XYLT1: variants seen among roughly 807,000 people sequenced by gnomAD.
XYLT1 encodes beta-D-xylosyltransferase 1.
XYLT1 carries 36 observed loss-of-function variants against 91.3 expected under a neutral mutation model. That is an observed-to-expected ratio of 0.39 (90% confidence interval 0.30 to 0.52). XYLT1 has a LOEUF of 0.52. Among genes scored for constraint, XYLT1 ranks in the 20% least tolerant of loss-of-function variants. XYLT1 has a pLI of 0.68. For missense variants in XYLT1, 1,242 were observed against 1,284.5 expected, an observed-to-expected ratio of 0.97 and a Z score of 0.51; for synonymous variants, 588 against 532.0, an observed-to-expected ratio of 1.11 and a Z score of -1.45.
intron 1 of XYLT1, among the ~76,000 whole-genome samples, chr16:17,461,934 T>C (rs2044277103): frequency 6.6e-6 from 1 of 152,172 alleles, no homozygotes. Flanking sequence ...AATAAAAGCA[T>C]GTCTTTTTAG....
In XYLT1 at chr16:17,336,004, A is replaced by C. The variant is rs138761237; in HGVS notation, c.402+22008T>G. On this transcript the variant is annotated intron_variant, in intron 2 of 11. Coordinates refer to ENST00000261381, the MANE Select transcript of XYLT1 (RefSeq NM_022166.4). Reference sequence around the variant, plus strand: ...ATGTGACACTTTGGAAAAGGCTGCAACAGAGAAGTTGAGACCTACGCTTTG... The same window carrying C: ...ATGTGACACTTTGGAAAAGGCTGCACCAGAGAAGTTGAGACCTACGCTTTG... 7.9e-3 allele frequency among the ~76,000 whole-genome samples: 1,209 copies of C among 152,322 alleles called. 60 individuals are homozygous for C. The highest frequency in any genetic ancestry group is 0.07 in the Admixed American group (1,065 of 15,282).
intron 8 of XYLT1, among the ~76,000 whole-genome samples, chr16:17,137,139 C>A (rs116420571): frequency 6.6e-6 from 1 of 152,004 alleles, no homozygotes; most frequent in Non-Finnish European, 1.5e-5. Flanking sequence ...GGAATACGAA[C>A]GACAGAAAAC....
chr16:17,467,876 G>C (rs542987217), intron 1 of XYLT1, among the ~76,000 whole-genome samples: 1 of 151,592 alleles, frequency 6.6e-6, no homozygotes, highest in Non-Finnish European at 1.5e-5. Context: ...ACAGAGCACT[G>C]AGCTAAAGCA....
At chr16:17,131,081 G>C (rs1279129866) in intron 9 of XYLT1, among the ~76,000 whole-genome samples, 2 of 152,116 alleles carry the variant, frequency 1.3e-5, no homozygotes, top group Admixed American at 1.3e-4. Context: ...GGCCTGGTCC[G>C]CCTGGATCAA....
chr16:17,120,578 A>G (rs1371358003), intron 10 of XYLT1, among the ~76,000 whole-genome samples: 1 of 151,860 alleles, frequency 6.6e-6, no homozygotes, highest in Admixed American at 6.6e-5. Flanking sequence ...CATCACCTCT[A>G]CTCATAAGTC....
At chr16:17,327,679 G>A (rs1054593700) in intron 2 of XYLT1, among the ~76,000 whole-genome samples, 3 of 145,522 alleles carry the variant, frequency 2.1e-5, no homozygotes, top group Non-Finnish European at 4.5e-5. Context: ...ACCACGCCTG[G>A]CCAACAACTG....
chr16:17,392,017 CA>C (rs1468909716), intron 1 of XYLT1, among the ~76,000 whole-genome samples: 7 of 152,184 alleles, frequency 4.6e-5, no homozygotes, highest in Non-Finnish European at 8.8e-5. Flanking sequence ...TACCCAGTCT[CA>C]ATGTCTTTAT....
At position 17,211,352 on chromosome 16, in the gene XYLT1, G is replaced by A. The variant is rs141892249; in HGVS notation, c.914-10698C>T. ...GACCCAAAGGTCCAGACAATGTTTT[G>A]ATCTTTCTGGATGAGGGCTCCCACT... On this transcript the variant is annotated intron_variant, in intron 3 of 11. Coordinates refer to ENST00000261381, the MANE Select transcript of XYLT1 (RefSeq NM_022166.4). Among the ~76,000 whole-genome samples the A allele has an allele frequency of 3.3e-5, 5 of 152,296 alleles. No individual in the cohort carries two copies. The East Asian group carries it at 9.7e-4, about 29-fold the overall frequency.
In XYLT1 at chr16:17,158,869, C is replaced by A; in HGVS notation, c.1330G>T (p.Asp444Tyr). The A allele has an allele frequency of 6.2e-7, 1 of 1,614,100 alleles. No individual in the cohort carries two copies. ...CCGTGTGACTTCAAGAAATTCATAT[C>A]TCGGTATCGGGAGAGAAACGCCACC... ...QLVAFLSRYR[D>Y]MNFLKSHGRD... is the part of the protein sequence containing the mutation. The change falls in exon 6 of 12, where the codon GAT becomes TAT. Residue 444 changes from aspartate (D) to tyrosine (Y), a missense_variant. By Grantham distance (160) the Asp-to-Tyr change is radical (BLOSUM62 -3). Around this residue, in one of 3 missense-constraint regions of XYLT1, gnomAD observed 294 missense variants for 376.0 expected, o/e 0.78. Coordinates refer to ENST00000261381, the MANE Select transcript of XYLT1 (RefSeq NM_022166.4).
chr16:17,224,279 T>C (rs1258662894), intron 3 of XYLT1, among the ~76,000 whole-genome samples: 1 of 152,174 alleles, frequency 6.6e-6, no homozygotes, highest in African/African-American at 2.4e-5. Context: ...GGTGAACCAT[T>C]TACAAAGCCT....
At chr16:17,373,654 T>C (rs2035563239) in intron 1 of XYLT1, among the ~76,000 whole-genome samples, 1 of 152,246 alleles carries the variant, frequency 6.6e-6, no homozygotes, top group Non-Finnish European at 1.5e-5. Context: ...TTTACTCACT[T>C]AATTCTGACA....
chr16:17,404,695 G>T (rs372565533), intron 1 of XYLT1, among the ~76,000 whole-genome samples: 1 of 152,302 alleles, frequency 6.6e-6, no homozygotes, highest in African/African-American at 2.4e-5. Flanking sequence ...CAACAACTCG[G>T]GAGGCTGAGG....
intron 3 of XYLT1, among the ~76,000 whole-genome samples, chr16:17,237,744 T>C (rs2033271074): frequency 6.6e-6 from 1 of 152,224 alleles, no homozygotes; most frequent in Non-Finnish European, 1.5e-5. Flanking sequence ...CTGGATGCCA[T>C]CTGCTGGCAA....
chr16:17,358,840 C>T (rs138730640), intron 1 of XYLT1, among the ~76,000 whole-genome samples: 21 of 152,088 alleles, frequency 1.4e-4, no homozygotes, highest in Admixed American at 2.6e-4. Flanking sequence ...GGAATGAGAG[C>T]GAGCAGCTTA....
Position 17,102,236 on chromosome 16 carries a change from C to G in XYLT1, c.*6459G>C, listed in dbSNP as rs1216560419. On this transcript the variant is annotated 3_prime_UTR_variant, in exon 12 of 12. Transcript: ENST00000261381. ...TTGGATGATAAATTATATAGTCATC[C>G]TATCTTCACCATGCAGATGACAGAA... 1 of 152,522 alleles carries G rather than the reference C, an allele frequency of 6.6e-6. No individual in the cohort carries two copies. Among genetic ancestry groups the G allele is most frequent in the African/African-American group, 2.4e-5 (1 of 41,432 alleles). The allele number at this position is 152,522 out of a possible 1,614,324, so 9.4% of individuals were successfully genotyped here. A position where few individuals can be genotyped will look rare whatever the true frequency, so the allele number is the denominator to read the frequency against.
chr16:17,385,303 C>T (rs2035735071), intron 1 of XYLT1, among the ~76,000 whole-genome samples: 1 of 150,602 alleles, frequency 6.6e-6, no homozygotes, highest in Admixed American at 6.7e-5. Context: ...CACACACACA[C>T]ACACACACCT....
At chr16:17,344,336 A>C (rs2035112078) in intron 2 of XYLT1, among the ~76,000 whole-genome samples, 1 of 151,156 alleles carries the variant, frequency 6.6e-6, no homozygotes, top group East Asian at 2.0e-4. Flanking sequence ...ACAAAAAAAA[A>C]AAAAAAATTA....
intron 1 of XYLT1, among the ~76,000 whole-genome samples, chr16:17,411,042 A>G (rs1339507448): frequency 6.6e-6 from 1 of 152,132 alleles, no homozygotes; most frequent in African/African-American, 2.4e-5. Context: ...GCAGTAAAGA[A>G]CCGGGGCCCT....
At position 17,141,283 on chromosome 16, in the gene XYLT1, C is replaced by G; in HGVS notation, c.1457G>C (p.Gly486Ala). 6.2e-7 allele frequency: 1 copy of G among 1,614,180 alleles called. No individual in the cohort carries two copies. ...WRLGDRRIPE[G>A]IAVDGGSDWF... Reference sequence around the variant, plus strand: ...GTCCGAACCGCCATCCACGGCAATGCCCTCTGGGATCCGCCGATCTCCCAG... The same window carrying G: ...GTCCGAACCGCCATCCACGGCAATGGCCTCTGGGATCCGCCGATCTCCCAG... The change falls in exon 7 of 12, where the codon GGC becomes GCC. Residue 486 changes from glycine (G) to alanine (A), a missense_variant. Physicochemically the swap from Gly to Ala is moderately conservative, Grantham distance 60 (BLOSUM62 0). Coordinates refer to ENST00000261381, the MANE Select transcript of XYLT1 (RefSeq NM_022166.4).
Sources: allele counts gnomAD v4.1 joint callset (sites outside exome capture counted in the v4.1 genomes callset), GRCh38; gene constraint gnomAD v4.1.1; regional missense constraint gnomAD v4.1.1; transcripts MANE v1.5; gene names NCBI Gene and HGNC (gene_info 2026-07-23, HGNC 2026-07-21).